The following CENPL variants were observed in gnomAD, a reference collection of about 807,000 sequenced individuals.
CENPL encodes centromere protein L, also known as interphase centromere complex protein 33.
CENPL carries 20 observed loss-of-function variants against 35.2 expected under a neutral mutation model. The ratio of observed to expected loss-of-function variants is 0.57; its 90% confidence interval spans 0.40 to 0.83. The LOEUF (loss-of-function observed/expected upper bound fraction) is 0.83. CENPL is among the 40% of genes least tolerant of loss of function. The pLI, the probability that CENPL is intolerant of heterozygous loss-of-function variation, is 0.00. For synonymous variants in CENPL, 140 were observed against 140.6 expected (o/e 1.00, Z 0.03); for missense variants, 363 against 395.8 (o/e 0.92, Z 0.70).
At chr1:173,808,763 TA>T (rs1650479165) in intron 3 of CENPL, 1 of 152,030 alleles carries the variant, frequency 6.6e-6, no homozygotes, top group Non-Finnish European at 1.5e-5. Context: ...GACTTAAATG[TA>T]AAACACAAAA....
In CENPL at chr1:173,807,489, G is replaced by A; in HGVS notation, c.198C>T (p.Phe66=). The A allele has an allele frequency of 6.6e-7, 1 of 1,515,504 alleles. No homozygotes were observed. Among genetic ancestry groups the A allele is most frequent in the South Asian group, 1.4e-5 (1 of 72,796 alleles). The allele number at this position is 1,515,504 out of a possible 1,614,324, so 93.9% of individuals were successfully genotyped here. ...QEDVDPQKVA[F]LLHKQWTLYS... is the part of the protein sequence containing the mutation. ...ATAAAGTCCACTGTTTATGCAGAAGGAATGCAACCTTTTGAGGGTCAACAT... is the reference window on the plus strand; with the variant it reads ...ATAAAGTCCACTGTTTATGCAGAAGAAATGCAACCTTTTGAGGGTCAACAT... Residue 66 remains phenylalanine, a synonymous_variant, in exon 4 of 6, where the codon TTC becomes TTT. Transcript: ENST00000682279.
chr1:173,801,257 C>T (rs1178351898), intron 5 of CENPL, among the ~76,000 whole-genome samples: 1 of 152,108 alleles, frequency 6.6e-6, no homozygotes, highest in East Asian at 1.9e-4. Flanking sequence ...TGGCTCATGC[C>T]TATAATCCCA....
intron 2 of CENPL, among the ~76,000 whole-genome samples, chr1:173,816,016 AAT>A (rs1421635180): frequency 2.6e-5 from 4 of 152,234 alleles, no homozygotes; most frequent in African/African-American, 9.6e-5. Flanking sequence ...AATGTGCAAA[AAT>A]CACAAGCATT....
chr1:173,800,582 T>C (rs1017227503), intron 5 of CENPL, 63 bp from the exon 6 acceptor site: 96 of 671,006 alleles, frequency 1.4e-4, no homozygotes, highest in Middle Eastern at 3.8e-4. Context: ...ACAAAGCAGA[T>C]TGATATTTGA....
At chr1:173,817,510 T>C (rs1328550610) in intron 2 of CENPL, among the ~76,000 whole-genome samples, 3 of 152,194 alleles carry the variant, frequency 2.0e-5, no homozygotes, top group African/African-American at 7.2e-5. Flanking sequence ...AAACAACAGA[T>C]GCTGGAGAGG....
At chr1:173,813,138 A>G (rs1225568797) in intron 2 of CENPL, among the ~76,000 whole-genome samples, 1 of 152,236 alleles carries the variant, frequency 6.6e-6, no homozygotes, top group Non-Finnish European at 1.5e-5. Context: ...AAGAGTAAAA[A>G]GAAACGAACA....
chr1:173,801,290 G>A (rs1386868591), intron 5 of CENPL, among the ~76,000 whole-genome samples: 2 of 152,110 alleles, frequency 1.3e-5, no homozygotes, highest in African/African-American at 4.8e-5. Flanking sequence ...GCCGAGGTGG[G>A]TGGATCACTA....
At position 173,803,127 on chromosome 1, in the gene CENPL, T is replaced by C. The variant is rs767473743; in HGVS notation, c.799A>G (p.Ser267Gly). The C allele has an allele frequency of 1.2e-6, 2 of 1,614,146 alleles. No individual in the cohort carries two copies. The highest frequency in any genetic ancestry group is 2.2e-5 in the South Asian group (2 of 91,086). ...HPEDAKALWD[S>G]VHKTPGEVTQ... Reference sequence around the variant, plus strand: ...ACCTCCCCAGGTGTTTTGTGGACACTGTCCCATAGAGCTTTTGCATCCTCT... The same window carrying C: ...ACCTCCCCAGGTGTTTTGTGGACACCGTCCCATAGAGCTTTTGCATCCTCT... Residue 267 changes from serine (S) to glycine (G), a missense_variant, in exon 5 of 6, where the codon AGT becomes GGT. Physicochemically the swap from Ser to Gly is moderately conservative, Grantham distance 56. Transcript: ENST00000682279.
intron 2 of CENPL, among the ~76,000 whole-genome samples, chr1:173,817,245 A>T (rs1651488608): frequency 6.6e-6 from 1 of 152,252 alleles, no homozygotes; most frequent in Admixed American, 6.5e-5. Context: ...AAATTTTTGC[A>T]ATCTACCCAT....
chr1:173,818,228 C>A (rs1315302040), intron 2 of CENPL, among the ~76,000 whole-genome samples: 2 of 151,988 alleles, frequency 1.3e-5, no homozygotes, highest in Non-Finnish European at 2.9e-5. Flanking sequence ...AATTCCTTAG[C>A]CACAACTAAG....
intron 2 of CENPL, among the ~76,000 whole-genome samples, chr1:173,811,714 G>C (rs1405851666): frequency 6.6e-6 from 1 of 152,228 alleles, no homozygotes; most frequent in African/African-American, 2.4e-5. Context: ...TGGCTGAATA[G>C]GAACAGCTCC....
chr1:173,807,522 TAA>T lies in CENPL; in HGVS notation c.169-6_169-5del. On this transcript the variant is annotated splice_region_variant and splice_polypyrimidine_tract_variant and intron_variant, in intron 3 of 5. Transcript: ENST00000682279. ...CCTTTTGAGGGTCAACATCTTCCTA[TAA>T]AAAAAAATCAAGACAAAAGAAGTTT... 7.0e-7 allele frequency: 1 copy of T among 1,437,894 alleles called. No homozygotes were observed. Among genetic ancestry groups the T allele is most frequent in the Non-Finnish European group, 9.2e-7 (1 of 1,082,186 alleles). 89.1% of individuals were successfully genotyped at this position (1,437,894 alleles called of 1,614,324 possible).
chr1:173,801,015 C>T (rs1347319813), intron 5 of CENPL, among the ~76,000 whole-genome samples: 1 of 152,064 alleles, frequency 6.6e-6, no homozygotes, highest in Non-Finnish European at 1.5e-5. Flanking sequence ...TTTTTTAATG[C>T]TGGTCTCATC....
At position 173,803,415 on chromosome 1, in the gene CENPL, G is replaced by A; in HGVS notation, c.511C>T (p.Leu171=). ...WFCCVFGDSL[L]ETVSEDFTCL... is the part of the protein sequence containing the mutation. ...GTGAAATCTTCTGAAACAGTCTCCA[G>A]AAGACTGTCTCCAAATACACAGCAG... Residue 171 remains leucine (L), a synonymous_variant, in exon 5 of 6, where the codon CTG becomes TTG. Coordinates refer to ENST00000682279, the MANE Select transcript of CENPL (RefSeq NM_001387287.1). 1 of 1,614,124 alleles carries A rather than the reference G, an allele frequency of 6.2e-7. No individual in the cohort carries two copies. The highest frequency in any genetic ancestry group is 8.5e-7 in the Non-Finnish European group (1 of 1,179,970).
chr1:173,818,574 T>C (rs1177092826), intron 2 of CENPL, among the ~76,000 whole-genome samples: 3 of 152,220 alleles, frequency 2.0e-5, no homozygotes, highest in South Asian at 2.1e-4. Context: ...CATTTTTATC[T>C]GTTATCTGTT....
chr1:173,805,289 C>T (rs151249400), intron 4 of CENPL, among the ~76,000 whole-genome samples: 111 of 152,176 alleles, frequency 7.3e-4, no homozygotes, highest in Admixed American at 1.4e-3. Context: ...GAGGCCAATG[C>T]GGGTGGATCA....
chr1:173,815,310 G>A (rs531095696), intron 2 of CENPL, among the ~76,000 whole-genome samples: 1 of 152,286 alleles, frequency 6.6e-6, no homozygotes, highest in East Asian at 1.9e-4. Flanking sequence ...AACAGAAAAA[G>A]AGAGAATCCT....
rs766309344 is a variant in CENPL, at chr1:173,800,399, A to C, written c.*49T>G. The C allele has an allele frequency of 1.4e-6, 1 of 727,814 alleles. No homozygotes were observed. The highest frequency in any genetic ancestry group is 1.8e-5 in the African/African-American group (1 of 56,310). 45.1% of individuals were successfully genotyped at this position (727,814 alleles called of 1,614,324 possible). Reference sequence around the variant, plus strand: ...TCTCTTTCAGCATAGCAATTAGGCAAGTTATCAATAAGAGTATATAATCTA... The same window carrying C: ...TCTCTTTCAGCATAGCAATTAGGCACGTTATCAATAAGAGTATATAATCTA... On this transcript the variant is annotated 3_prime_UTR_variant, in exon 6 of 6. Coordinates refer to ENST00000682279, the MANE Select transcript of CENPL (RefSeq NM_001387287.1).
intron 2 of CENPL, among the ~76,000 whole-genome samples, chr1:173,818,143 T>C (rs1213245395): frequency 6.6e-6 from 1 of 151,990 alleles, no homozygotes; most frequent in African/African-American, 2.4e-5. Flanking sequence ...CCCTAGAACT[T>C]AAAGTATAAT....
Sources: gnomAD v4.1 joint callset for allele counts (sites outside exome capture counted in the v4.1 genomes callset) on GRCh38, gnomAD v4.1.1 for gene constraint, MANE v1.5 for transcripts, NCBI Gene and HGNC (gene_info 2026-07-23, HGNC 2026-07-21) for gene names.